PPP3CC: variants seen among roughly 807,000 people sequenced by gnomAD.
The protein encoded by PPP3CC is protein phosphatase 3 catalytic subunit gamma.
PPP3CC carries 35 observed loss-of-function variants against 60.3 expected under a neutral mutation model. The observed-to-expected ratio is 0.58, with a 90% CI of 0.44 to 0.77. The LOEUF is 0.77. PPP3CC is among the 30% of genes least tolerant of loss of function. The pLI is 0.00. For missense variants in PPP3CC, 570 were observed against 628.9 expected (o/e 0.91, Z 1.00); for synonymous variants, 206 against 224.3 (o/e 0.92, Z 0.73).
intron 1 of PPP3CC, among the ~76,000 whole-genome samples, chr8:22,460,915 G>C (rs1180647093): frequency 6.6e-6 from 1 of 151,498 alleles, no homozygotes; most frequent in Non-Finnish European, 1.5e-5. Flanking sequence ...GTGTGATCTC[G>C]GCTCACTGCA....
chr8:22,483,407 C>T (rs1052933211), intron 3 of PPP3CC, among the ~76,000 whole-genome samples: 3 of 152,196 alleles, frequency 2.0e-5, no homozygotes, highest in Non-Finnish European at 4.4e-5. Context: ...CTGCCTCAGC[C>T]TCCTGAGTAG....
intron 3 of PPP3CC, among the ~76,000 whole-genome samples, chr8:22,491,002 A>G (rs915973835): frequency 5.3e-5 from 8 of 152,314 alleles, no homozygotes; most frequent in Admixed American, 4.6e-4. Flanking sequence ...GGTTACTACT[A>G]TACGTGCCTC....
At position 22,506,835 on chromosome 8, in the gene PPP3CC, G is replaced by T. The variant is rs191178200; in HGVS notation, c.485-4251G>T. Among the ~76,000 whole-genome samples the T allele has an allele frequency of 8.2e-3, 1,255 of 152,140 alleles. 31 individuals are homozygous for T. In the East Asian group the frequency reaches 0.088, roughly 11 times the overall value. ...TGGGTGCCTGTAGTCCCAGCTACTC[G>T]GGAGGCTGAGGCTGGAGGATGGTGT... On this transcript the variant is annotated intron_variant, in intron 4 of 13. Coordinates refer to ENST00000240139, the MANE Select transcript of PPP3CC (RefSeq NM_005605.5).
At position 22,513,346 on chromosome 8, in the gene PPP3CC, G is replaced by C; in HGVS notation, c.684G>C (p.Trp228Cys). 2 of 1,613,836 alleles carry C rather than the reference G, an allele frequency of 1.2e-6. No homozygotes were observed. Among genetic ancestry groups the C allele is most frequent in the Non-Finnish European group, 1.7e-6 (2 of 1,179,910 alleles). Residue 228 changes from tryptophan (W) to cysteine (C), a missense_variant, in exon 6 of 14, where the codon TGG becomes TGC. Trp to Cys is a radical substitution (Grantham distance 215). Coordinates refer to ENST00000240139, the MANE Select transcript of PPP3CC (RefSeq NM_005605.5). ...PAFGPVCDLL[W>C]SDPSEDYGNE... The stretch of plus-strand genomic sequence containing the variant: ...TTGGACCTGTGTGTGACCTGCTTTG[G>C]TCTGATCCCTCAGAGGATTATGGCA...
chr8:22,492,178 GC>G (rs1838424716), intron 3 of PPP3CC, among the ~76,000 whole-genome samples: 1 of 151,998 alleles, frequency 6.6e-6, no homozygotes, highest in Non-Finnish European at 1.5e-5. Context: ...AATACTGTAG[GC>G]AGTTGTAACA....
rs192310024 is a variant in PPP3CC, at chr8:22,533,296, G to C, written c.1321+278G>C. On this transcript the variant is annotated intron_variant, in intron 12 of 13. Coordinates refer to ENST00000240139, the MANE Select transcript of PPP3CC (RefSeq NM_005605.5). ...AGAGTCCTTAAGTAGGACACAAAAA[G>C]TACTAACCTTAAAAAGCCAGTTGAA... Among the ~76,000 whole-genome samples the C allele has an allele frequency of 6.4e-3, 970 of 152,194 alleles. 12 individuals are homozygous for C. The highest frequency in any genetic ancestry group is 0.011 in the Non-Finnish European group (746 of 68,002).
At chr8:22,457,368 T>C (rs1837234247) in intron 1 of PPP3CC, among the ~76,000 whole-genome samples, 1 of 151,666 alleles carries the variant, frequency 6.6e-6, no homozygotes, top group Non-Finnish European at 1.5e-5. Flanking sequence ...CAAGGCTGGA[T>C]CTCGGCTCAC....
At chr8:22,460,675 C>T (rs1837338622) in intron 1 of PPP3CC, among the ~76,000 whole-genome samples, 1 of 151,836 alleles carries the variant, frequency 6.6e-6, no homozygotes, top group South Asian at 2.1e-4. Context: ...AAAAATTAGT[C>T]AGGTGTCATG....
chr8:22,521,994 A>G lies in PPP3CC; in HGVS notation c.771-497A>G, dbSNP rs150156696. Among the ~76,000 whole-genome samples the G allele has an allele frequency of 5.7e-3, 867 of 151,482 alleles. 12 individuals carry two copies. The highest frequency in any genetic ancestry group is 0.02 in the African/African-American group (834 of 41,326). On this transcript the variant is annotated intron_variant, in intron 6 of 13. Coordinates refer to ENST00000240139, the MANE Select transcript of PPP3CC (RefSeq NM_005605.5). ...AAAAAACAAACCTATATATATACAT[A>G]TATATGTATATATGTATTCCTGCAT...
intron 3 of PPP3CC, among the ~76,000 whole-genome samples, chr8:22,481,587 A>T (rs1838071093): frequency 6.6e-6 from 1 of 151,486 alleles, no homozygotes; most frequent in Non-Finnish European, 1.5e-5. Flanking sequence ...ATACATGTAC[A>T]GAACATGCAG....
At chr8:22,463,735 A>T (rs2132450267) in intron 1 of PPP3CC, among the ~76,000 whole-genome samples, 1 of 152,184 alleles carries the variant, frequency 6.6e-6, no homozygotes, top group East Asian at 1.9e-4. Flanking sequence ...CCTAGAAATA[A>T]AATCCTTTTT....
Position 22,540,776 on chromosome 8 carries a change from G to A in PPP3CC, c.1513G>A (p.Asp505Asn), listed in dbSNP as rs751714017. The change falls in exon 14 of 14, where the codon GAC becomes AAC. Residue 505 changes from aspartate (D) to asparagine (N), a missense_variant. Coordinates refer to ENST00000240139, the MANE Select transcript of PPP3CC (RefSeq NM_005605.5). ...ACACTCACATGCTGCGCACAGGAGC[G>A]ACCAAGGGAAGAAAGCCCATTCATG... ...SAHSHAAHRSDQGKKAHS is the reference protein window; with the variant it reads ...SAHSHAAHRSNQGKKAHS 6.8e-6 allele frequency: 11 copies of A among 1,612,028 alleles called. No homozygotes were observed. Among genetic ancestry groups the A allele is most frequent in the African/African-American group, 4.0e-5 (3 of 74,844 alleles).
At chr8:22,522,462 G>A (rs1421638582) in intron 6 of PPP3CC, 29 bp from the exon 7 acceptor site, 3 of 1,557,816 alleles carry the variant, frequency 1.9e-6, no homozygotes, top group African/African-American at 2.8e-5. Context: ...TTTAATTCTG[G>A]ATTTATGTTT....
At chr8:22,491,287 A>T (rs1054882405) in intron 3 of PPP3CC, among the ~76,000 whole-genome samples, 2 of 152,302 alleles carry the variant, frequency 1.3e-5, no homozygotes, top group African/African-American at 2.4e-5. Flanking sequence ...GCAAGTCTCT[A>T]TTCCTACCAG....
At chr8:22,445,164 G>T (rs1304302737) in intron 1 of PPP3CC, among the ~76,000 whole-genome samples, 1 of 152,104 alleles carries the variant, frequency 6.6e-6, no homozygotes, top group African/African-American at 2.4e-5. Flanking sequence ...CACATGGCAG[G>T]CTACTGTTTC....
chr8:22,522,590 C>T (rs763660257), intron 7 of PPP3CC, 22 bp downstream of exon 7: 1 of 1,595,022 alleles, frequency 6.3e-7, no homozygotes, highest in Non-Finnish European at 8.6e-7. Context: ...TAAAATTGTA[C>T]CAAATATCGC....
intron 12 of PPP3CC, among the ~76,000 whole-genome samples, chr8:22,535,881 A>G (rs760859262): frequency 2.8e-4 from 42 of 151,974 alleles, no homozygotes; most frequent in Non-Finnish European, 4.9e-4. Flanking sequence ...ACAGGCGTAC[A>G]CCGCCATGCC....
intron 6 of PPP3CC, among the ~76,000 whole-genome samples, chr8:22,517,694 T>C (rs921081128): frequency 6.6e-6 from 1 of 152,200 alleles, no homozygotes; most frequent in Non-Finnish European, 1.5e-5. Context: ...TTCTGAGGCA[T>C]CTATTGTAAT....
In PPP3CC at chr8:22,539,464, T is replaced by TA; in HGVS notation, c.1322-4dup. ...TTGCATGCTACTGCTCCTGCCCTCTTACAGCCACAGTAGAAGCGGTAGAGG... is the reference window on the plus strand; with the variant it reads ...TTGCATGCTACTGCTCCTGCCCTCTTAACAGCCACAGTAGAAGCGGTAGAGG... On this transcript the variant is annotated splice_polypyrimidine_tract_variant and splice_region_variant and intron_variant, in intron 12 of 13. Transcript: ENST00000240139. 6.2e-7 allele frequency: 1 copy of TA among 1,613,998 alleles called. No individual in the cohort carries two copies. The highest frequency in any genetic ancestry group is 1.3e-5 in the African/African-American group (1 of 75,030).
Sources: allele counts gnomAD v4.1 joint callset (sites outside exome capture counted in the v4.1 genomes callset), GRCh38; gene constraint gnomAD v4.1.1; transcripts MANE v1.5; gene names NCBI Gene and HGNC (gene_info 2026-07-23, HGNC 2026-07-21).